SHISA6: variants seen among roughly 807,000 people sequenced by gnomAD.
The protein encoded by SHISA6 is shisa family member 6.
Under a neutral mutation model 47.9 loss-of-function variants are expected in SHISA6, and 22 were observed. The observed-to-expected ratio is 0.46, with a 90% CI of 0.33 to 0.66. The LOEUF (loss-of-function observed/expected upper bound fraction) is 0.66. Ranked by LOEUF, SHISA6 falls within the 30% of genes least tolerant of loss-of-function variation. The pLI is 0.02. For missense variants in SHISA6, 680 were observed against 764.6 expected (o/e 0.89, Z 1.30); for synonymous variants, 388 against 337.8 (o/e 1.15, Z -1.63).
At chr17:11,393,296 G>C (rs1464184284) in intron 3 of SHISA6, among the ~76,000 whole-genome samples, 4 of 152,090 alleles carry the variant, frequency 2.6e-5, no homozygotes, top group Non-Finnish European at 4.4e-5. Context: ...CTGCATCCAA[G>C]TCCGTTACCA....
At chr17:11,501,755 T>C (rs371204169) in intron 3 of SHISA6, among the ~76,000 whole-genome samples, 63 of 151,998 alleles carry the variant, frequency 4.1e-4, no homozygotes, top group African/African-American at 1.4e-3. Context: ...CCCAGAGATA[T>C]TTAGAGAAAA....
At position 11,513,160 on chromosome 17, in the gene SHISA6, C is replaced by A. The variant is rs115160079; in HGVS notation, c.896-38736C>A. On this transcript the variant is annotated intron_variant, in intron 3 of 5. Coordinates refer to ENST00000441885, the MANE Select transcript of SHISA6 (RefSeq NM_207386.4). ...TGATATCTACATATATAAAGTAGCA[C>A]ATGTAAGTTTATATATGTTTATTAC... is the stretch of plus-strand genomic sequence containing the variant. 3.6e-3 allele frequency among the ~76,000 whole-genome samples: 549 copies of A among 151,012 alleles called. 7 individuals carry two copies. Among genetic ancestry groups the A allele is most frequent in the African/African-American group, 0.013 (525 of 41,178 alleles).
At chr17:11,481,358 G>GTATATATATATA (rs1209751142) in intron 3 of SHISA6, among the ~76,000 whole-genome samples, 4 of 109,920 alleles carry the variant, frequency 3.6e-5, no homozygotes, top group African/African-American at 1.1e-4. Flanking sequence ...GTGTGTGTGT[G>GTATATATATATA]TGTGTGTGTA....
intron 2 of SHISA6, among the ~76,000 whole-genome samples, chr17:11,364,228 A>G (rs529239196): frequency 6.6e-6 from 1 of 152,310 alleles, no homozygotes; most frequent in African/African-American, 2.4e-5. Context: ...GAAAAAAAAT[A>G]AAGAACGTTT....
intron 3 of SHISA6, among the ~76,000 whole-genome samples, chr17:11,480,684 A>G (rs1345650685): frequency 2.0e-5 from 3 of 152,210 alleles, no homozygotes; most frequent in East Asian, 1.9e-4. Context: ...CAGGAAAGAA[A>G]TGACACAGCA....
intron 3 of SHISA6, among the ~76,000 whole-genome samples, chr17:11,515,624 G>T (rs575557672): frequency 6.6e-6 from 1 of 152,288 alleles, no homozygotes; most frequent in African/African-American, 2.4e-5. Context: ...GGCACAGAGT[G>T]TGTAGCAATG....
At chr17:11,500,415 G>T (rs970136907) in intron 3 of SHISA6, among the ~76,000 whole-genome samples, 2 of 152,220 alleles carry the variant, frequency 1.3e-5, no homozygotes, top group African/African-American at 4.8e-5. Context: ...TGCATGGCCT[G>T]TGTACTCATA....
rs188973587 is a variant in SHISA6, at chr17:11,273,689, A to C, written c.799+10163A>C. On this transcript the variant is annotated intron_variant, in intron 2 of 5. Transcript: ENST00000441885. Reference sequence around the variant, plus strand: ...CTCGTGTAGGCAGTGTCCCCCTCCCAGTAGATAGGAGGCTACAGCGACATG... The same window carrying C: ...CTCGTGTAGGCAGTGTCCCCCTCCCCGTAGATAGGAGGCTACAGCGACATG... 4.1e-3 allele frequency among the ~76,000 whole-genome samples: 629 copies of C among 152,156 alleles called. 1 individual carries two copies. Among genetic ancestry groups the C allele is most frequent in the Non-Finnish European group, 6.6e-3 (447 of 68,000 alleles).
At chr17:11,375,006 G>A (rs940838285) in intron 2 of SHISA6, among the ~76,000 whole-genome samples, 7 of 151,868 alleles carry the variant, frequency 4.6e-5, no homozygotes, top group Non-Finnish European at 8.8e-5. Context: ...AAAATGAAGG[G>A]GTCAAAATTC....
intron 2 of SHISA6, among the ~76,000 whole-genome samples, chr17:11,327,766 C>T (rs205028): frequency 0.071 from 10,774 of 152,246 alleles, 494 homozygotes; most frequent in African/African-American, 0.12. Flanking sequence ...CGCTGCACTC[C>T]AGCCTGGGCA....
At chr17:11,377,443 G>A (rs763116008) in intron 2 of SHISA6, among the ~76,000 whole-genome samples, 3 of 152,210 alleles carry the variant, frequency 2.0e-5, no homozygotes, top group Non-Finnish European at 4.4e-5. Context: ...TTACTTCTCA[G>A]AGTGTGGTCC....
intron 2 of SHISA6, among the ~76,000 whole-genome samples, chr17:11,274,298 T>C (rs1908794201): frequency 6.6e-6 from 1 of 152,188 alleles, no homozygotes; most frequent in African/African-American, 2.4e-5. Context: ...ATTTAGAATA[T>C]GGCCGGGCTG....
chr17:11,283,959 A>C, intron 2 of SHISA6, among the ~76,000 whole-genome samples: 1 of 152,148 alleles, frequency 6.6e-6, no homozygotes, highest in Non-Finnish European at 1.5e-5. Flanking sequence ...GTTGTTCCCC[A>C]GTTCCTTTTT....
intron 3 of SHISA6, among the ~76,000 whole-genome samples, chr17:11,522,300 G>A (rs1451134427): frequency 6.6e-6 from 1 of 151,998 alleles, no homozygotes; most frequent in Non-Finnish European, 1.5e-5. Context: ...GGGTCGCTTT[G>A]TCGCCCAGAC....
At chr17:11,428,329 G>A (rs1347081008) in intron 3 of SHISA6, among the ~76,000 whole-genome samples, 1 of 152,144 alleles carries the variant, frequency 6.6e-6, no homozygotes, top group African/African-American at 2.4e-5. Context: ...CTTTTATAAC[G>A]GCGAAGGCAG....
At chr17:11,554,882 G>A (rs113129181) in intron 4 of SHISA6, among the ~76,000 whole-genome samples, 67 of 152,014 alleles carry the variant, frequency 4.4e-4, no homozygotes, top group Middle Eastern at 6.8e-3. Context: ...TGAGCCCAGC[G>A]CACACTGCAC....
At chr17:11,295,091 G>A (rs975678487) in intron 2 of SHISA6, among the ~76,000 whole-genome samples, 4 of 152,152 alleles carry the variant, frequency 2.6e-5, no homozygotes, top group Admixed American at 1.3e-4. Flanking sequence ...TTCACGTCCC[G>A]GGTGGGTGGG....
chr17:11,538,425 A>G (rs2071805580), intron 3 of SHISA6, among the ~76,000 whole-genome samples: 1 of 152,164 alleles, frequency 6.6e-6, no homozygotes. Flanking sequence ...AGAACAATCA[A>G]AGTGGAAGAT....
intron 3 of SHISA6, among the ~76,000 whole-genome samples, chr17:11,537,707 T>A (rs1465340): frequency 0.061 from 9,254 of 152,242 alleles, 365 homozygotes; most frequent in Middle Eastern, 0.092. Context: ...TTCTGCTACC[T>A]CAAGAGTTGA....
Sources: gnomAD v4.1 joint callset for allele counts (sites outside exome capture counted in the v4.1 genomes callset) on GRCh38, gnomAD v4.1.1 for gene constraint, MANE v1.5 for transcripts, NCBI Gene and HGNC (gene_info 2026-07-23, HGNC 2026-07-21) for gene names.